SPRED1: variants seen among roughly 807,000 people sequenced by gnomAD.
The protein encoded by SPRED1 is sprouty related EVH1 domain containing 1, also known as sprouty-related, EVH1 domain-containing protein 1.
A neutral mutation model predicts 52.3 loss-of-function variants in SPRED1; 18 were observed. The observed-to-expected ratio is 0.34, with a 90% CI of 0.24 to 0.51. The LOEUF (loss-of-function observed/expected upper bound fraction) is 0.51, where lower values mean the gene tolerates loss of function less well. Among genes scored for constraint, SPRED1 ranks in the 20% least tolerant of loss-of-function variants. SPRED1 has a pLI of 0.97. For synonymous variants in SPRED1, 155 were observed against 179.7 expected (o/e 0.86, Z 1.10); for missense variants, 485 against 551.0 (o/e 0.88, Z 1.20).
intron 1 of SPRED1, among the ~76,000 whole-genome samples, chr15:38,259,685 C>T (rs549138776): frequency 7.2e-5 from 10 of 139,398 alleles, no homozygotes; most frequent in Non-Finnish European, 1.2e-4. Flanking sequence ...GCTTTACTTA[C>T]AGAAGTAAGT....
intron 4 of SPRED1, among the ~76,000 whole-genome samples, chr15:38,325,458 T>G (rs1895695885): frequency 6.6e-6 from 1 of 152,102 alleles, no homozygotes; most frequent in Non-Finnish European, 1.5e-5. Flanking sequence ...GGGTTTTTTT[T>G]TTCTTTTTTA....
chr15:38,278,826 C>CTTTTTTTTT lies in SPRED1; in HGVS notation c.33-20546_33-20545insTTTTTTTTT, dbSNP rs1199715229. Among the ~76,000 whole-genome samples, 5 of 39,880 alleles carry CTTTTTTTTT rather than the reference C, an allele frequency of 1.3e-4. 1 individual carries two copies. Among genetic ancestry groups the CTTTTTTTTT allele is most frequent in the Non-Finnish European group, 2.1e-4 (3 of 14,324 alleles). 26.2% of individuals were successfully genotyped at this position (39,880 alleles called of 152,430 possible). A position where few individuals can be genotyped will look rare whatever the true frequency, so the allele number is the denominator to read the frequency against. On this transcript the variant is annotated intron_variant, in intron 1 of 6. Transcript: ENST00000299084. ...ACACAACCATTATAACCTAACTACA[C>CTTTTTTTTT]TGTTTTTTTTTTTTTTTGTGAAATG...
chr15:38,267,470 T>A (rs1278335506), intron 1 of SPRED1, among the ~76,000 whole-genome samples: 2 of 152,192 alleles, frequency 1.3e-5, no homozygotes, highest in Non-Finnish European at 2.9e-5. Flanking sequence ...TAATATGAAC[T>A]GCCACTTCTG....
intron 5 of SPRED1, among the ~76,000 whole-genome samples, chr15:38,342,232 A>G (rs1442125391): frequency 6.6e-6 from 1 of 151,886 alleles, no homozygotes; most frequent in Non-Finnish European, 1.5e-5. Flanking sequence ...AATTAGTAAT[A>G]CAGCTGTTAA....
intron 1 of SPRED1, among the ~76,000 whole-genome samples, chr15:38,256,444 A>G (rs1415767843): frequency 3.3e-5 from 5 of 152,164 alleles, no homozygotes; most frequent in African/African-American, 9.6e-5. Flanking sequence ...TTGAGTGTAT[A>G]TAGCACTGCA....
At chr15:38,349,308 C>T (rs1202100302) in intron 5 of SPRED1, 114 bp from the exon 6 acceptor site, 26 of 749,026 alleles carry the variant, frequency 3.5e-5, no homozygotes, top group African/African-American at 2.5e-4. Flanking sequence ...TTCTCAAAAC[C>T]GTTTTTGAAA....
chr15:38,269,064 T>G (rs914871739), intron 1 of SPRED1, among the ~76,000 whole-genome samples: 1 of 151,636 alleles, frequency 6.6e-6, no homozygotes, highest in Non-Finnish European at 1.5e-5. Context: ...CTCAGCCTCC[T>G]GAGTAGCTGG....
At chr15:38,333,351 T>G (rs544438511) in intron 4 of SPRED1, among the ~76,000 whole-genome samples, 1 of 152,074 alleles carries the variant, frequency 6.6e-6, no homozygotes, top group Non-Finnish European at 1.5e-5. Flanking sequence ...AAATCAGAAG[T>G]ATGAAACATC....
rs778489832 is a variant in SPRED1, at chr15:38,353,501, A to G, written c.*1837A>G. 2.0e-5 allele frequency: 3 copies of G among 152,538 alleles called. No individual in the cohort carries two copies. Among genetic ancestry groups the G allele is most frequent in the Non-Finnish European group, 2.9e-5 (2 of 67,964 alleles). The allele number at this position is 152,538 out of a possible 1,614,324, so 9.4% of individuals were successfully genotyped here. A position where few individuals can be genotyped will look rare whatever the true frequency, so the allele number is the denominator to read the frequency against. On this transcript the variant is annotated 3_prime_UTR_variant, in exon 7 of 7. Coordinates refer to ENST00000299084, the MANE Select transcript of SPRED1 (RefSeq NM_152594.3). ...ATTTCTAGTTTTGTACTAAAAATCA[A>G]TTGGATGAACTAAATCCAAAACATG...
At chr15:38,298,672 G>T in intron 1 of SPRED1, 1 of 222,862 alleles carries the variant, frequency 4.5e-6, no homozygotes, top group Non-Finnish European at 9.0e-6. Context: ...AAAATGGCCT[G>T]TATTTTGATT....
At position 38,349,581 on chromosome 15, in the gene SPRED1, A is replaced by C; in HGVS notation, c.684+58A>C. On this transcript the variant is annotated intron_variant, in intron 6 of 6. Coordinates refer to ENST00000299084, the MANE Select transcript of SPRED1 (RefSeq NM_152594.3). ...ATTTAACTAATTAATAGATAGGTAAAGTTTTCCAGTCTTTCTAATTCTCCA... is the reference window on the plus strand; with the variant it reads ...ATTTAACTAATTAATAGATAGGTAACGTTTTCCAGTCTTTCTAATTCTCCA... 5 of 219,488 alleles carry C rather than the reference A, an allele frequency of 2.3e-5. No homozygotes were observed. In the Admixed American group the frequency reaches 3.5e-4, roughly 15 times the overall value. The allele number at this position is 219,488 out of a possible 1,614,324, so 13.6% of individuals were successfully genotyped here. A position where few individuals can be genotyped will look rare whatever the true frequency, so the allele number is the denominator to read the frequency against.
chr15:38,291,826 G>A (rs1256837113), intron 1 of SPRED1, among the ~76,000 whole-genome samples: 5 of 152,332 alleles, frequency 3.3e-5, no homozygotes, highest in South Asian at 2.1e-4. Flanking sequence ...CTCTGGGCCT[G>A]TGATGGGAGG....
At chr15:38,253,400 C>T (rs1380366481) in intron 1 of SPRED1, among the ~76,000 whole-genome samples, 183 bp downstream of exon 1, 1 of 152,122 alleles carries the variant, frequency 6.6e-6, no homozygotes, top group East Asian at 1.9e-4. Context: ...CATCCTCCCA[C>T]ATTTAGCTGC....
At chr15:38,300,970 AT>A (rs1439753038) in intron 2 of SPRED1, among the ~76,000 whole-genome samples, 4 of 152,072 alleles carry the variant, frequency 2.6e-5, no homozygotes, top group Non-Finnish European at 5.9e-5. Flanking sequence ...AATCTAAGGC[AT>A]TTTTTTCTAG....
intron 2 of SPRED1, 70 bp from the exon 3 acceptor site, chr15:38,322,171 T>C: frequency 1.4e-6 from 2 of 1,450,846 alleles, no homozygotes; most frequent in South Asian, 2.3e-5. Flanking sequence ...TCACCTCAGT[T>C]TGTATTTATG....
intron 1 of SPRED1, among the ~76,000 whole-genome samples, chr15:38,296,295 C>T (rs1447229339): frequency 6.6e-6 from 1 of 152,086 alleles, no homozygotes; most frequent in East Asian, 1.9e-4. Context: ...GTTAAAACTA[C>T]TAGGGCTTGT....
chr15:38,283,735 G>A (rs1367895335), intron 1 of SPRED1, among the ~76,000 whole-genome samples: 3 of 152,096 alleles, frequency 2.0e-5, no homozygotes, highest in Non-Finnish European at 4.4e-5. Flanking sequence ...GATCTTGTGC[G>A]AATCACTTAC....
intron 1 of SPRED1, among the ~76,000 whole-genome samples, chr15:38,279,154 G>A (rs1894631046): frequency 1.3e-5 from 2 of 152,256 alleles, no homozygotes; most frequent in South Asian, 4.1e-4. Flanking sequence ...TCCAAGGTTG[G>A]TTGCATCCAA....
At chr15:38,266,427 C>G (rs1249669054) in intron 1 of SPRED1, among the ~76,000 whole-genome samples, 3 of 152,004 alleles carry the variant, frequency 2.0e-5, no homozygotes, top group Admixed American at 6.6e-5. Flanking sequence ...GTTGCCTGTG[C>G]TCAGGAGTTG....
Sources: gnomAD v4.1 joint callset for allele counts (sites outside exome capture counted in the v4.1 genomes callset) on GRCh38, gnomAD v4.1.1 for gene constraint, MANE v1.5 for transcripts, NCBI Gene and HGNC (gene_info 2026-07-23, HGNC 2026-07-21) for gene names.